RPTOR: variants seen among roughly 807,000 people sequenced by gnomAD.
RPTOR encodes regulatory-associated protein of mTOR.
A neutral mutation model predicts 169.9 loss-of-function variants in RPTOR; 21 were observed. The observed-to-expected ratio is 0.12, with a 90% confidence interval of 0.09 to 0.18. The LOEUF (loss-of-function observed/expected upper bound fraction) is 0.18. Among genes scored for constraint, RPTOR ranks in the 10% least tolerant of loss-of-function variants. RPTOR has a pLI of 1.00. For synonymous variants in RPTOR, 732 were observed against 753.2 expected (o/e 0.97, Z 0.46); for missense variants, 1,133 against 1,855.9 (o/e 0.61, Z 7.16).
At chr17:80,938,912 C>T (rs9891720) in intron 24 of RPTOR, among the ~76,000 whole-genome samples, 5,081 of 152,274 alleles carry the variant, frequency 0.033, 274 homozygotes, top group African/African-American at 0.11. Flanking sequence ...CCACCTACAA[C>T]GACCGCCTAA....
chr17:80,641,218 C>T (rs62068355), intron 2 of RPTOR, among the ~76,000 whole-genome samples: 8,301 of 152,256 alleles, frequency 0.055, 288 homozygotes, highest in Non-Finnish European at 0.082. Context: ...AAACATGTAA[C>T]GTCTGAAGTC....
At chr17:80,825,205 C>CA (rs1223032623) in intron 9 of RPTOR, among the ~76,000 whole-genome samples, 1 of 129,594 alleles carries the variant, frequency 7.7e-6, no homozygotes. Flanking sequence ...CGTGGCGAGG[C>CA]CAGCGTGGGG....
In RPTOR at chr17:80,754,243, C is replaced by T; in HGVS notation, c.830+58C>T. 6.7e-7 allele frequency: 1 copy of T among 1,492,838 alleles called. No individual in the cohort carries two copies. Among genetic ancestry groups the T allele is most frequent in the Non-Finnish European group, 9.0e-7 (1 of 1,112,834 alleles). 92.5% of individuals were successfully genotyped at this position (1,492,838 alleles called of 1,614,324 possible). On this transcript the variant is annotated intron_variant, in intron 6 of 33. Transcript: ENST00000306801. This position sits in a 1 kb window ranked among gnomAD's most constrained non-coding sequence, Gnocchi z 4.2. Reference sequence around the variant, plus strand: ...CTCAACTGGGCTCTCCCGCAGGGACCCCAACCCATGTGGGCCCCAGGCATT... The same window carrying T: ...CTCAACTGGGCTCTCCCGCAGGGACTCCAACCCATGTGGGCCCCAGGCATT...
chr17:80,701,864 C>T (rs547141677), intron 3 of RPTOR, among the ~76,000 whole-genome samples: 1 of 152,234 alleles, frequency 6.6e-6, no homozygotes, highest in East Asian at 1.9e-4. Flanking sequence ...GGAAGACCCA[C>T]CAAGTAGAGC....
At chr17:80,685,621 ATATATATTTTTTTTTTTT>A (rs1414768195) in intron 3 of RPTOR, among the ~76,000 whole-genome samples, 1 of 15,696 alleles carries the variant, frequency 6.4e-5, no homozygotes, top group East Asian at 2.6e-3. Context: ...ATATATATAT[ATATATATTTTTTTTTTTT>A]TTTTTTTTTT....
chr17:80,603,742 G>A (rs1270520630), intron 1 of RPTOR, among the ~76,000 whole-genome samples: 1 of 152,188 alleles, frequency 6.6e-6, no homozygotes, highest in Admixed American at 6.5e-5. Flanking sequence ...ATTTCCCCCA[G>A]AACAAGGTAG....
chr17:80,880,780 A>G (rs2068178309), intron 14 of RPTOR, among the ~76,000 whole-genome samples: 1 of 152,144 alleles, frequency 6.6e-6, no homozygotes. Flanking sequence ...ACTTCTTTGC[A>G]AAATAGTCAA....
At position 80,903,373 on chromosome 17, in the gene RPTOR, G is replaced by A. The variant is rs373078196; in HGVS notation, c.2402-5438G>A. 1.1e-4 allele frequency among the ~76,000 whole-genome samples: 16 copies of A among 152,332 alleles called. No homozygotes were observed. In the South Asian group the frequency reaches 2.3e-3, roughly 22 times the overall value. On this transcript the variant is annotated intron_variant, in intron 20 of 33. Transcript: ENST00000306801. ...CTGCCTTTGGAGGAAAGAGGAGCCC[G>A]GAGACCCGAGCCCAGAAACTGGGGC...
chr17:80,856,918 C>T (rs2067859165), intron 12 of RPTOR, among the ~76,000 whole-genome samples: 1 of 152,170 alleles, frequency 6.6e-6, no homozygotes, highest in African/African-American at 2.4e-5. Context: ...GGTGAGGGCC[C>T]AGCCACCCGA....
At chr17:80,938,275 C>T (rs1458518193) in intron 24 of RPTOR, among the ~76,000 whole-genome samples, 4 of 152,224 alleles carry the variant, frequency 2.6e-5, no homozygotes, top group Admixed American at 6.5e-5. Context: ...CTACCCCCCA[C>T]GTCTGGATTC....
intron 11 of RPTOR, among the ~76,000 whole-genome samples, chr17:80,848,161 T>G (rs944002203): frequency 2.0e-5 from 3 of 152,198 alleles, no homozygotes; most frequent in Admixed American, 6.5e-5. Flanking sequence ...AAAGAACCAG[T>G]GTGCCAGCCG....
intron 11 of RPTOR, among the ~76,000 whole-genome samples, chr17:80,852,187 A>T (rs1462208178): frequency 6.6e-6 from 1 of 152,062 alleles, no homozygotes; most frequent in African/African-American, 2.4e-5. Context: ...CGCTTTACGG[A>T]CTCTGCCTCA....
chr17:80,943,985 A>C (rs942571243), intron 25 of RPTOR, among the ~76,000 whole-genome samples: 6 of 152,174 alleles, frequency 3.9e-5, no homozygotes, highest in Non-Finnish European at 8.8e-5. Context: ...TTGGTGCCAC[A>C]ACAGACAATG....
At chr17:80,832,408 T>C (rs1480707473) in intron 9 of RPTOR, among the ~76,000 whole-genome samples, 4 of 152,118 alleles carry the variant, frequency 2.6e-5, no homozygotes, top group African/African-American at 9.7e-5. Flanking sequence ...GACTTGGAGC[T>C]CACATGCCCA....
chr17:80,731,779 G>A (rs150964017), intron 5 of RPTOR, among the ~76,000 whole-genome samples: 1,964 of 152,266 alleles, frequency 0.013, 40 homozygotes, highest in African/African-American at 0.045. Context: ...CAATTTTAAT[G>A]TATTATGTTT....
intron 13 of RPTOR, among the ~76,000 whole-genome samples, chr17:80,864,118 A>G (rs1312108768): frequency 6.6e-6 from 1 of 152,260 alleles, no homozygotes; most frequent in Admixed American, 6.5e-5. Flanking sequence ...GAATTTGATG[A>G]CAATTATAAA....
chr17:80,873,925 T>C (rs549066747), intron 13 of RPTOR, among the ~76,000 whole-genome samples: 1 of 152,050 alleles, frequency 6.6e-6, no homozygotes, highest in South Asian at 2.1e-4. Context: ...CGTGCAGAGA[T>C]ACAGACATGT....
chr17:80,730,500 C>A lies in RPTOR; in HGVS notation c.508-60C>A. 6.3e-7 allele frequency: 1 copy of A among 1,587,896 alleles called. No individual in the cohort carries two copies. Among genetic ancestry groups the A allele is most frequent in the South Asian group, 1.1e-5 (1 of 89,516 alleles). On this transcript the variant is annotated intron_variant, in intron 4 of 33. Transcript: ENST00000306801. This position sits in a 1 kb window ranked among gnomAD's most constrained non-coding sequence, Gnocchi z 4.2. ...GTGCCTTTTGTAACGGTGCAGTACTCACCAGCAGCCCATATTCCTGAGACG... is the reference window on the plus strand; with the variant it reads ...GTGCCTTTTGTAACGGTGCAGTACTAACCAGCAGCCCATATTCCTGAGACG...
intron 3 of RPTOR, among the ~76,000 whole-genome samples, chr17:80,656,739 T>C (rs540631427): frequency 1.3e-3 from 192 of 152,340 alleles, no homozygotes; most frequent in African/African-American, 4.5e-3. Context: ...TTCTGTGCCA[T>C]GCGTGTGACA....
Sources: allele counts gnomAD v4.1 joint callset (sites outside exome capture counted in the v4.1 genomes callset), GRCh38; gene constraint gnomAD v4.1.1; non-coding constraint Gnocchi (gnomAD v3.1); transcripts MANE v1.5; gene names NCBI Gene and HGNC (gene_info 2026-07-23, HGNC 2026-07-21).